ZNF385D: variants seen among roughly 807,000 people sequenced by gnomAD.
ZNF385D encodes the protein zinc finger protein 385D, also known as zinc finger protein 659.
ZNF385D carries 15 observed loss-of-function variants against 35.8 expected under a neutral mutation model. The ratio of observed to expected loss-of-function variants is 0.42; its 90% CI spans 0.28 to 0.64. The LOEUF is 0.64. Ranked by LOEUF, ZNF385D falls within the 30% of genes least tolerant of loss-of-function variation. The probability of loss-of-function intolerance (pLI) is 0.23; values close to 1 mark genes in which losing one functional copy is unlikely to be tolerated. For synonymous variants in ZNF385D, 212 were observed against 186.8 expected (o/e 1.13, Z -1.10); for missense variants, 474 against 494.6 (o/e 0.96, Z 0.39).
At chr3:21,461,407 G>A (rs1369026176) in intron 4 of ZNF385D, among the ~76,000 whole-genome samples, 2 of 152,082 alleles carry the variant, frequency 1.3e-5, no homozygotes, top group Non-Finnish European at 2.9e-5. Context: ...AATTAGCTGG[G>A]CGTCGTGGTG....
intron 3 of ZNF385D, among the ~76,000 whole-genome samples, chr3:21,837,655 C>T (rs1038350917): frequency 2.0e-5 from 3 of 151,974 alleles, no homozygotes; most frequent in African/African-American, 4.8e-5. Flanking sequence ...AGGCAGATCA[C>T]GAGGTTAAGA....
At chr3:21,867,878 G>A (rs1697458853) in intron 3 of ZNF385D, among the ~76,000 whole-genome samples, 1 of 152,004 alleles carries the variant, frequency 6.6e-6, no homozygotes, top group African/African-American at 2.4e-5. Context: ...TTAAAATGTG[G>A]CTGGTGCACC....
At chr3:21,734,021 A>C (rs999638455) in intron 1 of ZNF385D, among the ~76,000 whole-genome samples, 29 of 152,182 alleles carry the variant, frequency 1.9e-4, no homozygotes, top group African/African-American at 7.0e-4. Context: ...CCCCGTCAGA[A>C]CACTCTTTTT....
intron 3 of ZNF385D, among the ~76,000 whole-genome samples, chr3:21,881,604 A>G (rs1475572656): frequency 6.6e-6 from 1 of 152,042 alleles, no homozygotes; most frequent in Admixed American, 6.6e-5. Flanking sequence ...CTAACATAAG[A>G]TGCATTCTGC....
intron 4 of ZNF385D, among the ~76,000 whole-genome samples, chr3:21,455,513 T>A (rs1350645456): frequency 6.6e-6 from 1 of 152,182 alleles, no homozygotes; most frequent in African/African-American, 2.4e-5. Flanking sequence ...TAAATGGTGC[T>A]GGGAAAACTG....
intron 3 of ZNF385D, among the ~76,000 whole-genome samples, chr3:21,829,114 G>A (rs974202675): frequency 6.6e-6 from 1 of 152,152 alleles, no homozygotes; most frequent in Admixed American, 6.5e-5. Context: ...CATTTTTCTG[G>A]AGGAGGCATG....
At chr3:22,241,496 T>C (rs1699491612) in intron 2 of ZNF385D, among the ~76,000 whole-genome samples, 1 of 151,246 alleles carries the variant, frequency 6.6e-6, no homozygotes, top group Non-Finnish European at 1.5e-5. Context: ...TTCCAAATCG[T>C]GGACAAGATT....
chr3:21,635,667 T>C (rs2125845272), intron 2 of ZNF385D, among the ~76,000 whole-genome samples: 1 of 152,198 alleles, frequency 6.6e-6, no homozygotes, highest in South Asian at 2.1e-4. Flanking sequence ...ACCTGAGCAG[T>C]ATACACTGAA....
chr3:21,918,681 A>T (rs1242898519), intron 3 of ZNF385D, among the ~76,000 whole-genome samples: 1 of 152,174 alleles, frequency 6.6e-6, no homozygotes, highest in Non-Finnish European at 1.5e-5. Context: ...ATTACTTTTG[A>T]CATTATTCTT....
At position 21,677,721 on chromosome 3, in the gene ZNF385D, A is replaced by T. The variant is rs1036892743; in HGVS notation, c.23-12693T>A. Among the ~76,000 whole-genome samples, 8 of 152,186 alleles carry T rather than the reference A, an allele frequency of 5.3e-5. No individual in the cohort carries two copies. In the South Asian group the frequency reaches 8.3e-4, roughly 16 times the overall value. On this transcript the variant is annotated intron_variant, in intron 1 of 7. Transcript: ENST00000281523. Reference sequence around the variant, plus strand: ...TTCAAATAATAATAACCAGTAAAATAATAATAATAACCACTCTAAATTTTG... The same window carrying T: ...TTCAAATAATAATAACCAGTAAAATTATAATAATAACCACTCTAAATTTTG...
intron 4 of ZNF385D, among the ~76,000 whole-genome samples, chr3:21,448,663 G>A (rs577032946): frequency 2.6e-5 from 4 of 152,226 alleles, no homozygotes; most frequent in African/African-American, 4.8e-5. Context: ...AAAATAATAC[G>A]ATACAATTCT....
intron 1 of ZNF385D, among the ~76,000 whole-genome samples, chr3:21,734,396 G>C (rs925405188): frequency 6.6e-6 from 1 of 151,688 alleles, no homozygotes; most frequent in African/African-American, 2.4e-5. Flanking sequence ...ATTTTAGATG[G>C]TCATCCTAAA....
chr3:21,768,133 A>G (rs1304067706), intron 3 of ZNF385D, among the ~76,000 whole-genome samples: 1 of 152,090 alleles, frequency 6.6e-6, no homozygotes, highest in Non-Finnish European at 1.5e-5. Context: ...GCACTAAATG[A>G]GAGAATCCCC....
intron 3 of ZNF385D, chr3:22,133,876 G>C (rs1409138414): frequency 6.6e-6 from 1 of 151,802 alleles, no homozygotes; most frequent in East Asian, 1.9e-4. Flanking sequence ...ACTACTAAGT[G>C]AAGGGATAAT....
At chr3:21,672,157 T>A (rs2066595604) in intron 1 of ZNF385D, among the ~76,000 whole-genome samples, 1 of 152,170 alleles carries the variant, frequency 6.6e-6, no homozygotes, top group African/African-American at 2.4e-5. Flanking sequence ...CCAGTTCCCA[T>A]CTCTGTCAAC....
intron 2 of ZNF385D, among the ~76,000 whole-genome samples, chr3:21,588,135 C>T (rs2063866003): frequency 6.6e-6 from 1 of 151,986 alleles, no homozygotes; most frequent in Non-Finnish European, 1.5e-5. Context: ...GAGATAAATA[C>T]CACAGAACAC....
chr3:21,464,433 TTGTC>T (rs778271819), intron 4 of ZNF385D, among the ~76,000 whole-genome samples: 1 of 152,184 alleles, frequency 6.6e-6, no homozygotes, highest in East Asian at 1.9e-4. Context: ...TCTCAATCTT[TTGTC>T]TGTCTTCCTT....
At chr3:21,925,909 A>G (rs1041714122) in intron 3 of ZNF385D, among the ~76,000 whole-genome samples, 1 of 152,190 alleles carries the variant, frequency 6.6e-6, no homozygotes, top group Admixed American at 6.5e-5. Flanking sequence ...TGAGAAACAC[A>G]AATTAATACC....
At chr3:21,996,747 C>T (rs1030682344) in intron 3 of ZNF385D, among the ~76,000 whole-genome samples, 3 of 152,018 alleles carry the variant, frequency 2.0e-5, no homozygotes, top group Admixed American at 6.5e-5. Context: ...ATAGGAACCC[C>T]CCTAAAACTT....
Sources: allele counts gnomAD v4.1 joint callset (sites outside exome capture counted in the v4.1 genomes callset), GRCh38; gene constraint gnomAD v4.1.1; transcripts MANE v1.5; gene names NCBI Gene and HGNC (gene_info 2026-07-23, HGNC 2026-07-21).